Variants in CCDC171 observed in about 807,000 individuals in gnomAD.
CCDC171 encodes coiled-coil domain containing 171, also known as coiled-coil domain-containing protein 171.
CCDC171 carries 177 observed loss-of-function variants against 168.2 expected under a neutral mutation model. The ratio of observed to expected loss-of-function variants is 1.05; its 90% confidence interval spans 0.93 to 1.19. The LOEUF (loss-of-function observed/expected upper bound fraction) is 1.19, where lower values mean the gene tolerates loss of function less well. Ranked by LOEUF, CCDC171 falls within the 50% of genes most tolerant of loss-of-function variation. The probability of loss-of-function intolerance (pLI) is 0.00; values close to 1 mark genes in which losing one functional copy is unlikely to be tolerated. For synonymous variants in CCDC171, 687 were observed against 540.8 expected, an observed-to-expected ratio of 1.27 and a Z score of -3.75; for missense variants, 1,991 against 1,539.0, an observed-to-expected ratio of 1.29 and a Z score of -4.91.
chr9:15,823,079 G>C (rs562876982), intron 21 of CCDC171, among the ~76,000 whole-genome samples: 79 of 152,082 alleles, frequency 5.2e-4, no homozygotes, highest in African/African-American at 1.6e-3. Flanking sequence ...GCAAACTATC[G>C]CAAGGAGAAA....
At chr9:15,728,076 G>A (rs1185398037) in intron 15 of CCDC171, 40 bp downstream of exon 15, 1 of 1,514,488 alleles carries the variant, frequency 6.6e-7, no homozygotes. Flanking sequence ...ATTAAATTCA[G>A]TGACATTTGT....
intron 16 of CCDC171, among the ~76,000 whole-genome samples, chr9:15,736,950 G>A (rs2054537411): frequency 6.6e-6 from 1 of 152,012 alleles, no homozygotes; most frequent in Non-Finnish European, 1.5e-5. Context: ...TACTGTGCCT[G>A]GCCAGAACTC....
chr9:15,881,189 T>C (rs1409345680), intron 24 of CCDC171, among the ~76,000 whole-genome samples: 1 of 152,182 alleles, frequency 6.6e-6, no homozygotes, highest in African/African-American at 2.4e-5. Flanking sequence ...CTCTGAAGAT[T>C]TCATATTGCA....
At chr9:15,737,099 A>C (rs1176728491) in intron 16 of CCDC171, among the ~76,000 whole-genome samples, 1 of 152,056 alleles carries the variant, frequency 6.6e-6, no homozygotes, top group Non-Finnish European at 1.5e-5. Context: ...GAGAAACTGA[A>C]GTTTTAATAC....
chr9:16,083,132 A>G, the CCDC171 span, among the ~76,000 whole-genome samples: 1 of 152,220 alleles, frequency 6.6e-6, no homozygotes, highest in Non-Finnish European at 1.5e-5. Flanking sequence ...AATCTGAGCA[A>G]TTAGATAGGG....
chr9:15,740,920 A>G (rs947706952), intron 16 of CCDC171, among the ~76,000 whole-genome samples: 1 of 152,188 alleles, frequency 6.6e-6, no homozygotes, highest in African/African-American at 2.4e-5. Context: ...GTGATGAGTT[A>G]GGCTGTTGAA....
At chr9:15,745,749 A>T (rs897877634) in intron 18 of CCDC171, 118 bp downstream of exon 18, 1 of 586,046 alleles carries the variant, frequency 1.7e-6, no homozygotes, top group Non-Finnish European at 2.9e-6. Flanking sequence ...TTTTATCTTT[A>T]TTTTATTCAG....
rs577454015 is a variant in CCDC171, at chr9:15,972,676, A to G, written c.*840A>G. 4 of 152,242 alleles carry G rather than the reference A, an allele frequency of 2.6e-5. No homozygotes were observed. In the East Asian group the frequency reaches 7.7e-4, roughly 29 times the overall value. 9.4% of individuals were successfully genotyped at this position (152,242 alleles called of 1,614,324 possible). On this transcript the variant is annotated 3_prime_UTR_variant, in exon 26 of 26. Coordinates refer to ENST00000380701, the MANE Select transcript of CCDC171 (RefSeq NM_173550.4). ...AGGTAATGGCTGTTTTGACCTTCAA[A>G]ATAGACTCCTTTTTTGTTTTTGTTG...
At chr9:15,905,238 T>G (rs1346109128) in intron 24 of CCDC171, among the ~76,000 whole-genome samples, 1 of 152,084 alleles carries the variant, frequency 6.6e-6, no homozygotes, top group Non-Finnish European at 1.5e-5. Flanking sequence ...AGCACCACAC[T>G]GCACTTATTC....
chr9:15,858,621 T>G lies in CCDC171; in HGVS notation c.3468+9674T>G, dbSNP rs138316294. On this transcript the variant is annotated intron_variant, in intron 23 of 25. Transcript: ENST00000380701. ...TATTTTATACTTTTTAGTGTACAAG[T>G]CTTTCACCTCTGTTAATTTGTAAGT... Among the ~76,000 whole-genome samples the G allele has an allele frequency of 9.8e-3, 1,485 of 152,192 alleles. 35 individuals carry two copies. The highest frequency in any genetic ancestry group is 0.034 in the African/African-American group (1,417 of 41,508).
At chr9:16,027,957 G>C (rs1463635594) in intron 6 of CCDC171, among the ~76,000 whole-genome samples, 1 of 152,122 alleles carries the variant, frequency 6.6e-6, no homozygotes, top group Non-Finnish European at 1.5e-5. Flanking sequence ...GCTGCTTCCT[G>C]TATCACTAGG....
intron 25 of CCDC171, among the ~76,000 whole-genome samples, chr9:15,962,380 GTTA>G (rs1830430110): frequency 6.6e-6 from 1 of 152,104 alleles, no homozygotes; most frequent in Non-Finnish European, 1.5e-5. Flanking sequence ...ATTTTTGTCT[GTTA>G]TTATTAATAT....
chr9:16,027,434 G>T (rs1026999758), intron 6 of CCDC171, among the ~76,000 whole-genome samples: 1 of 152,130 alleles, frequency 6.6e-6, no homozygotes, highest in Non-Finnish European at 1.5e-5. Context: ...CACCACTCAA[G>T]TCAGTCTCAA....
intron 7 of CCDC171, among the ~76,000 whole-genome samples, chr9:15,648,428 T>C (rs1008911829): frequency 6.6e-6 from 1 of 152,018 alleles, no homozygotes; most frequent in African/African-American, 2.4e-5. Context: ...AAATAAAGGG[T>C]ATTCAATGAG....
chr9:15,647,229 A>C (rs1458073760), intron 7 of CCDC171, among the ~76,000 whole-genome samples: 1 of 152,182 alleles, frequency 6.6e-6, no homozygotes, highest in Non-Finnish European at 1.5e-5. Flanking sequence ...ACATACCAGA[A>C]TCTCTGGGAC....
At chr9:15,642,360 T>TATATATATATAC (rs2046700027) in intron 7 of CCDC171, among the ~76,000 whole-genome samples, 5 of 42,150 alleles carry the variant, frequency 1.2e-4, no homozygotes, top group African/African-American at 2.3e-4. Context: ...TATATATATA[T>TATATATATATAC]ATATATATAT....
At chr9:16,076,768 C>G in the CCDC171 span, among the ~76,000 whole-genome samples, 1 of 152,194 alleles carries the variant, frequency 6.6e-6, no homozygotes, top group African/African-American at 2.4e-5. Flanking sequence ...CAAGTCCACT[C>G]TGGTTAATGG....
intron 20 of CCDC171, 46 bp downstream of exon 20, chr9:15,779,196 T>G: frequency 8.8e-7 from 1 of 1,132,056 alleles, no homozygotes; most frequent in Non-Finnish European, 1.2e-6. Flanking sequence ...TGATATATAT[T>G]TCTTTATCTC....
chr9:15,598,848 A>G lies in CCDC171; in HGVS notation c.675+4676A>G, dbSNP rs377277025. ...CTGGGTGCTCCTGTATTGGGTGCAT[A>G]TATATTTAGGATAGTTAGCTCTTCT... On this transcript the variant is annotated intron_variant, in intron 6 of 25. Transcript: ENST00000380701. Among the ~76,000 whole-genome samples the G allele has an allele frequency of 2.2e-4, 33 of 152,252 alleles. No homozygotes were observed. In the East Asian group the frequency reaches 4.8e-3, roughly 22 times the overall value.
Sources: allele counts gnomAD v4.1 joint callset (sites outside exome capture counted in the v4.1 genomes callset), GRCh38; gene constraint gnomAD v4.1.1; transcripts MANE v1.5; gene names NCBI Gene and HGNC (gene_info 2026-07-23, HGNC 2026-07-21).